CFAP96: variants seen among roughly 807,000 people sequenced by gnomAD.
The protein encoded by CFAP96 is cilia and flagella associated protein 96.
chr4:185,414,625 C>T, the CFAP96 span, among the ~76,000 whole-genome samples: 1 of 152,118 alleles, frequency 6.6e-6, no homozygotes, highest in Admixed American at 6.5e-5. Flanking sequence ...GTCCACATAT[C>T]AAAAAGATGC....
At chr4:185,443,885 A>T in the CFAP96 span, among the ~76,000 whole-genome samples, 1 of 149,656 alleles carries the variant, frequency 6.7e-6, no homozygotes, top group Non-Finnish European at 1.5e-5. Context: ...ATGTGTCTTC[A>T]ATCTGGAAAA....
At chr4:185,444,949 C>G in the CFAP96 span, 2 of 1,541,346 alleles carry the variant, frequency 1.3e-6, no homozygotes, top group Non-Finnish European at 1.8e-6. Flanking sequence ...TAAGTTGTCT[C>G]GTTTTTCTTC....
At chr4:185,411,391 T>C in the CFAP96 span, among the ~76,000 whole-genome samples, 1 of 151,926 alleles carries the variant, frequency 6.6e-6, no homozygotes, top group Non-Finnish European at 1.5e-5. Context: ...AAAAGGAACA[T>C]TAACCTAACT....
chr4:185,439,973 A>G, the CFAP96 span, among the ~76,000 whole-genome samples: 1 of 141,794 alleles, frequency 7.1e-6, no homozygotes, highest in Non-Finnish European at 1.5e-5. Context: ...ATATATGTAT[A>G]TGTGTATATG....
chr4:185,448,221 G>C, the CFAP96 span, among the ~76,000 whole-genome samples: 3 of 152,078 alleles, frequency 2.0e-5, no homozygotes, highest in East Asian at 1.9e-4. Context: ...GGGTTTTGCC[G>C]TGTTGGTCAG....
chr4:185,445,478 G>T, the CFAP96 span: 36 of 1,536,392 alleles, frequency 2.3e-5, no homozygotes, highest in Non-Finnish European at 2.7e-6. Context: ...CTCGAAGGGA[G>T]TTTCTTAGCA....
At chr4:185,442,325 G>C in the CFAP96 span, among the ~76,000 whole-genome samples, 5 of 151,968 alleles carry the variant, frequency 3.3e-5, no homozygotes, top group Non-Finnish European at 7.4e-5. Flanking sequence ...CTAGGAATAA[G>C]CTCCTTAACC....
At chr4:185,420,327 GAC>G in the CFAP96 span, among the ~76,000 whole-genome samples, 1 of 151,904 alleles carries the variant, frequency 6.6e-6, no homozygotes, top group East Asian at 1.9e-4. Flanking sequence ...TTGAATATTT[GAC>G]ACATTCAATT....
chr4:185,413,067 A>G, the CFAP96 span, among the ~76,000 whole-genome samples: 6 of 152,290 alleles, frequency 3.9e-5, 1 homozygote, highest in African/African-American at 1.4e-4. Context: ...GCACTTTGGG[A>G]GGCCTACATG....
chr4:185,445,343 G>A, the CFAP96 span: 1 of 730,362 alleles, frequency 1.4e-6, no homozygotes. Context: ...GAAAGCTTAA[G>A]TTATCTGCAC....
the CFAP96 span, chr4:185,415,354 G>A: frequency 7.7e-6 from 12 of 1,564,016 alleles, no homozygotes; most frequent in South Asian, 3.7e-5. Flanking sequence ...AACTCTGTGG[G>A]GGGAAATATA....
the CFAP96 span, chr4:185,413,930 T>C: frequency 2.8e-6 from 4 of 1,450,140 alleles, no homozygotes; most frequent in East Asian, 2.4e-5. Flanking sequence ...AGATTCCTAG[T>C]CAATAAATAA....
chr4:185,439,174 T>C, the CFAP96 span, among the ~76,000 whole-genome samples: 1 of 152,142 alleles, frequency 6.6e-6, no homozygotes, highest in Non-Finnish European at 1.5e-5. Context: ...ATCAGAAATC[T>C]TTGAGGGAAG....
the CFAP96 span, chr4:185,429,529 T>C: frequency 7.2e-7 from 1 of 1,396,330 alleles, no homozygotes; most frequent in East Asian, 2.6e-5. Flanking sequence ...TATTTGCTTT[T>C]CTCTATGGAC....
At chr4:185,442,376 G>A in the CFAP96 span, among the ~76,000 whole-genome samples, 4 of 151,826 alleles carry the variant, frequency 2.6e-5, no homozygotes, top group Non-Finnish European at 5.9e-5. Flanking sequence ...ATATTGCATA[G>A]GTTATATTAT....
chr4:185,428,244 C>A, the CFAP96 span, among the ~76,000 whole-genome samples: 3 of 151,578 alleles, frequency 2.0e-5, no homozygotes, highest in Non-Finnish European at 4.4e-5. Context: ...GCTCCTTGGG[C>A]CTCTTCCTTT....
the CFAP96 span, chr4:185,449,642 T>G: frequency 6.5e-7 from 1 of 1,535,246 alleles, no homozygotes; most frequent in South Asian, 1.2e-5. Context: ...ACCATCCTAT[T>G]AGCAACTGGA....
the CFAP96 span, among the ~76,000 whole-genome samples, chr4:185,439,047 T>C: frequency 6.6e-6 from 1 of 152,244 alleles, no homozygotes; most frequent in African/African-American, 2.4e-5. Flanking sequence ...AGTATTCTTC[T>C]GGTAAAAGGT....
the CFAP96 span, chr4:185,432,175 C>T: frequency 6.4e-7 from 1 of 1,551,654 alleles, no homozygotes; most frequent in Non-Finnish European, 8.7e-7. Context: ...GCAAAGCATT[C>T]CTCCCTAGTA....
Sources: allele counts gnomAD v4.1 joint callset (sites outside exome capture counted in the v4.1 genomes callset), GRCh38; gene constraint gnomAD v4.1.1; transcripts MANE v1.5; gene names NCBI Gene and HGNC (gene_info 2026-07-23, HGNC 2026-07-21).